The following GSE1 variants were observed in gnomAD, a reference collection of about 807,000 sequenced individuals.
The protein encoded by GSE1 is Gse1 coiled-coil protein.
Under a neutral mutation model 112.6 loss-of-function variants are expected in GSE1, and 32 were observed. That is an observed-to-expected ratio of 0.28 (90% CI 0.21 to 0.38). GSE1 has a LOEUF of 0.38. Ranked by LOEUF, GSE1 falls within the 10% of genes least tolerant of loss-of-function variation. The pLI, the probability that GSE1 is intolerant of heterozygous loss-of-function variation, is 1.00. For missense variants in GSE1, 2,348 were observed against 1,699.2 expected, an observed-to-expected ratio of 1.38 and a Z score of -6.71; for synonymous variants, 1,115 against 735.6, an observed-to-expected ratio of 1.52 and a Z score of -8.35.
At chr16:85,336,813 G>A (rs1249152476) in intron 1 of GSE1, among the ~76,000 whole-genome samples, 1 of 152,064 alleles carries the variant, frequency 6.6e-6, no homozygotes, top group Non-Finnish European at 1.5e-5. Context: ...CACACACAAG[G>A]CACTCATATG....
chr16:85,654,219 T>A (rs1381727856), intron 3 of GSE1, 59 bp from the exon 4 acceptor site: 1 of 1,489,562 alleles, frequency 6.7e-7, no homozygotes, highest in Non-Finnish European at 9.1e-7. Context: ...CCTGGCTGTG[T>A]CCTGTGGTCA....
chr16:85,241,870 C>T (rs928769199), intron 1 of GSE1, among the ~76,000 whole-genome samples: 2 of 152,130 alleles, frequency 1.3e-5, no homozygotes, highest in African/African-American at 4.8e-5. Flanking sequence ...AGACCCCCTC[C>T]CCGGGCACCC....
At chr16:85,500,515 T>C (rs529869546) in intron 2 of GSE1, among the ~76,000 whole-genome samples, 2 of 152,336 alleles carry the variant, frequency 1.3e-5, no homozygotes, top group East Asian at 3.9e-4. Context: ...GGGTCCCCGA[T>C]CTCCATGGGA....
At chr16:85,500,782 A>T (rs2051333856) in intron 2 of GSE1, among the ~76,000 whole-genome samples, 1 of 152,154 alleles carries the variant, frequency 6.6e-6, no homozygotes, top group East Asian at 1.9e-4. Flanking sequence ...TATGTCATAA[A>T]GGCCCGAAGT....
intron 2 of GSE1, among the ~76,000 whole-genome samples, chr16:85,426,285 G>C (rs1360760029): frequency 6.7e-6 from 1 of 149,554 alleles, no homozygotes; most frequent in Non-Finnish European, 1.5e-5. Flanking sequence ...ATGGATAGAT[G>C]GGTGGGTGAA....
At position 85,620,139 on chromosome 16, in the gene GSE1, G is replaced by A. The variant is rs149654304; in HGVS notation, c.7+6741G>A. 4.7e-3 allele frequency among the ~76,000 whole-genome samples: 715 copies of A among 152,212 alleles called. 7 individuals carry two copies. The highest frequency in any genetic ancestry group is 0.016 in the African/African-American group (669 of 41,540). ...AATAAAAATAAAAATAAAAAGAACT[G>A]GCCAGGCTTGGTGGGATGCGCCTGT... On this transcript the variant is annotated intron_variant, in intron 1 of 15. Coordinates refer to ENST00000253458, the MANE Select transcript of GSE1 (RefSeq NM_014615.5).
chr16:85,630,572 C>T (rs146484844), intron 1 of GSE1, among the ~76,000 whole-genome samples: 4 of 152,228 alleles, frequency 2.6e-5, no homozygotes, highest in East Asian at 1.9e-4. Context: ...CCACCTCACC[C>T]TCCTACTTAC....
intron 2 of GSE1, among the ~76,000 whole-genome samples, chr16:85,521,358 A>G (rs1420728571): frequency 1.3e-5 from 2 of 152,208 alleles, no homozygotes; most frequent in Non-Finnish European, 2.9e-5. Flanking sequence ...AAACTTGTGA[A>G]GCAGCCAGGA....
chr16:85,246,009 G>C (rs541708452), intron 1 of GSE1, among the ~76,000 whole-genome samples: 1 of 151,720 alleles, frequency 6.6e-6, no homozygotes, highest in South Asian at 2.1e-4. Context: ...CAAGGGGTGT[G>C]TGCGTGTGTG....
rs145960692 is a variant in GSE1, at chr16:85,635,604, C to T, written c.226+1472C>T. Among the ~76,000 whole-genome samples the T allele has an allele frequency of 5.1e-4, 77 of 152,270 alleles. 1 individual carries two copies. Among genetic ancestry groups the T allele is most frequent in the Admixed American group, 4.3e-3 (66 of 15,308 alleles). ...CTCTCCTGAGAGGGGTGGAGAGAAGCGAGGTCAGAGCTGGCCCAGCTCCTG... is the reference window on the plus strand; with the variant it reads ...CTCTCCTGAGAGGGGTGGAGAGAAGTGAGGTCAGAGCTGGCCCAGCTCCTG... On this transcript the variant is annotated intron_variant, in intron 2 of 15. Transcript: ENST00000253458.
chr16:85,393,216 C>A (rs943068221), intron 2 of GSE1, among the ~76,000 whole-genome samples: 1 of 152,228 alleles, frequency 6.6e-6, no homozygotes, highest in Non-Finnish European at 1.5e-5. Flanking sequence ...CTGCAATGAA[C>A]TGTGATTACG....
At chr16:85,458,541 G>C (rs1275248583) in intron 2 of GSE1, among the ~76,000 whole-genome samples, 1 of 152,234 alleles carries the variant, frequency 6.6e-6, no homozygotes, top group African/African-American at 2.4e-5. Flanking sequence ...GGTTGAGCTG[G>C]GCATGGAGGC....
intron 2 of GSE1, among the ~76,000 whole-genome samples, chr16:85,395,110 C>T (rs1222617111): frequency 6.6e-6 from 1 of 152,122 alleles, no homozygotes; most frequent in Non-Finnish European, 1.5e-5. Context: ...AGGCTGCAGC[C>T]ACACAAAGCT....
At chr16:85,428,075 A>T (rs1319037860) in intron 2 of GSE1, among the ~76,000 whole-genome samples, 2 of 152,108 alleles carry the variant, frequency 1.3e-5, no homozygotes, top group African/African-American at 2.4e-5. Context: ...GCTGCATTGG[A>T]CAGGACCCAG....
rs188741362 is a variant in GSE1, at chr16:85,385,693, T to C, written c.2464+28050T>C. 4.5e-4 allele frequency among the ~76,000 whole-genome samples: 69 copies of C among 152,302 alleles called. 1 individual carries two copies. The highest frequency in any genetic ancestry group is 1.6e-3 in the African/African-American group (66 of 41,572). The stretch of plus-strand genomic sequence containing the variant: ...GTTCATTTTTCACCTGCACGTGTTT[T>C]CGCCTCCCCGCTCTCGCGAGGCAGC... On this transcript the variant is annotated intron_variant, in intron 2 of 2. Coordinates refer to the GSE1 transcript ENST00000637419.
chr16:85,439,811 C>T (rs976596976), intron 2 of GSE1, among the ~76,000 whole-genome samples: 55 of 152,004 alleles, frequency 3.6e-4, no homozygotes, highest in African/African-American at 1.3e-3. Flanking sequence ...ATTACAGATC[C>T]ACAGGCACAG....
At chr16:85,638,102 A>G (rs888312640) in intron 2 of GSE1, among the ~76,000 whole-genome samples, 3 of 152,026 alleles carry the variant, frequency 2.0e-5, no homozygotes, top group African/African-American at 7.2e-5. Context: ...CCTCCTCTCC[A>G]GTGCACGCCT....
At chr16:85,408,557 C>CT (rs530892478) in intron 2 of GSE1, among the ~76,000 whole-genome samples, 5 of 28,118 alleles carry the variant, frequency 1.8e-4, no homozygotes, top group Non-Finnish European at 2.1e-4. Flanking sequence ...CAGGGCCCCC[C>CT]GGATAATCCT....
intron 1 of GSE1, among the ~76,000 whole-genome samples, chr16:85,199,009 A>G (rs1385608334): frequency 6.6e-6 from 1 of 150,728 alleles, no homozygotes; most frequent in African/African-American, 2.4e-5. Context: ...CAGTGGCGTG[A>G]TCTTGGTTCA....
Sources: gnomAD v4.1 joint callset for allele counts (sites outside exome capture counted in the v4.1 genomes callset) on GRCh38, gnomAD v4.1.1 for gene constraint, MANE v1.5 for transcripts, NCBI Gene and HGNC (gene_info 2026-07-23, HGNC 2026-07-21) for gene names.